The following DTNB variants were observed in gnomAD, a reference collection of about 807,000 sequenced individuals.
DTNB encodes the protein dystrobrevin beta, also known as DTN-B.
A neutral mutation model predicts 90.7 loss-of-function variants in DTNB; 63 were observed. The observed-to-expected ratio is 0.69, with a 90% CI of 0.57 to 0.86. The LOEUF (loss-of-function observed/expected upper bound fraction) is 0.86, where lower values mean the gene tolerates loss of function less well. Among genes scored for constraint, DTNB ranks in the 40% least tolerant of loss-of-function variants. DTNB has a pLI of 0.00. For synonymous variants in DTNB, 277 were observed against 286.7 expected, an observed-to-expected ratio of 0.97 and a Z score of 0.34; for missense variants, 744 against 807.1, an observed-to-expected ratio of 0.92 and a Z score of 0.95.
chr2:25,592,733 TGCGCAG>T (rs2063800553), intron 6 of DTNB, among the ~76,000 whole-genome samples: 1 of 151,662 alleles, frequency 6.6e-6, no homozygotes, highest in South Asian at 2.1e-4. Flanking sequence ...AATGGAAAGG[TGCGCAG>T]AGTACAACAC....
At chr2:25,423,044 G>A (rs1558459769) in intron 15 of DTNB, among the ~76,000 whole-genome samples, 1 of 152,114 alleles carries the variant, frequency 6.6e-6, no homozygotes, top group Non-Finnish European at 1.5e-5. Context: ...ACAAAAATCA[G>A]CTGGTTGTGG....
At chr2:25,500,328 G>A (rs748295994) in intron 9 of DTNB, among the ~76,000 whole-genome samples, 1 of 152,158 alleles carries the variant, frequency 6.6e-6, no homozygotes, top group Non-Finnish European at 1.5e-5. Flanking sequence ...TTCAAAGAAG[G>A]CTGGTAGATA....
intron 1 of DTNB, among the ~76,000 whole-genome samples, chr2:25,672,363 T>C (rs2086181819): frequency 6.6e-6 from 1 of 152,138 alleles, no homozygotes; most frequent in African/African-American, 2.4e-5. Context: ...CAATAGACAC[T>C]TATGGCTCAA....
intron 16 of DTNB, among the ~76,000 whole-genome samples, chr2:25,398,325 A>G (rs927937252): frequency 6.6e-6 from 1 of 152,232 alleles, no homozygotes; most frequent in Admixed American, 6.5e-5. Context: ...TTGAAAGAGA[A>G]AAGCTACGAC....
intron 20 of DTNB, among the ~76,000 whole-genome samples, chr2:25,377,935 T>C (rs1179173785): frequency 2.0e-5 from 3 of 152,172 alleles, no homozygotes; most frequent in African/African-American, 7.2e-5. Context: ...ACCCAAGTTT[T>C]ATACTCTTAG....
intron 15 of DTNB, 126 bp from the exon 16 acceptor site, chr2:25,419,661 A>C: frequency 8.0e-7 from 1 of 1,250,844 alleles, no homozygotes; most frequent in Non-Finnish European, 1.1e-6. Context: ...GGCCAGGCCC[A>C]CAGGTGCTGA....
chr2:25,627,564 T>C (rs573839543), intron 4 of DTNB, among the ~76,000 whole-genome samples: 3 of 152,124 alleles, frequency 2.0e-5, no homozygotes, highest in South Asian at 2.1e-4. Flanking sequence ...ATTCAAAACT[T>C]AGTGTTTTTC....
intron 14 of DTNB, among the ~76,000 whole-genome samples, chr2:25,431,193 C>G (rs2149935787): frequency 6.6e-6 from 1 of 150,780 alleles, no homozygotes; most frequent in African/African-American, 2.4e-5. Context: ...CATTCTCCTA[C>G]TTTCTTCTAG....
intron 18 of DTNB, 128 bp from the exon 19 acceptor site, chr2:25,384,017 G>A: frequency 1.2e-5 from 18 of 1,559,300 alleles, no homozygotes; most frequent in Non-Finnish European, 1.6e-5. Context: ...GCAGGCCTCT[G>A]AGGGTGCTTC....
intron 3 of DTNB, among the ~76,000 whole-genome samples, chr2:25,629,649 CTT>C (rs1398423279): frequency 6.6e-6 from 1 of 152,128 alleles, no homozygotes; most frequent in Non-Finnish European, 1.5e-5. Context: ...GAGGGCGGAG[CTT>C]GGAAAACCAT....
At chr2:25,391,140 C>T (rs2040991961) in intron 16 of DTNB, among the ~76,000 whole-genome samples, 1 of 152,072 alleles carries the variant, frequency 6.6e-6, no homozygotes, top group African/African-American at 2.4e-5. Flanking sequence ...TCGTGATCCA[C>T]CTGCCTCGGC....
At chr2:25,589,381 T>TC (rs1306510587) in intron 6 of DTNB, among the ~76,000 whole-genome samples, 199 of 114,456 alleles carry the variant, frequency 1.7e-3, no homozygotes, top group South Asian at 7.7e-3. Flanking sequence ...TTTTTTTTTT[T>TC]TTTTTTTTTT....
intron 10 of DTNB, among the ~76,000 whole-genome samples, chr2:25,459,422 G>A (rs539119400): frequency 2.6e-4 from 39 of 152,058 alleles, no homozygotes; most frequent in African/African-American, 9.2e-4. Context: ...CAACTCTCTT[G>A]TAGGCCATTA....
chr2:25,480,656 C>T (rs1034430016), intron 10 of DTNB, among the ~76,000 whole-genome samples: 13 of 152,088 alleles, frequency 8.5e-5, no homozygotes, highest in Admixed American at 3.3e-4. Context: ...CTCATGTACT[C>T]GGGTGACTTA....
intron 1 of DTNB, among the ~76,000 whole-genome samples, chr2:25,653,751 A>T (rs2081514004): frequency 6.6e-6 from 1 of 151,964 alleles, no homozygotes; most frequent in Non-Finnish European, 1.5e-5. Context: ...GTCTCAAGTG[A>T]TCTGCCTGCC....
chr2:25,507,930 CTT>C (rs1437329886), intron 9 of DTNB, among the ~76,000 whole-genome samples: 1 of 152,156 alleles, frequency 6.6e-6, no homozygotes, highest in Non-Finnish European at 1.5e-5. Context: ...CAGCCTGTTC[CTT>C]TGGCAAGGAA....
chr2:25,649,545 C>T (rs2080369618), intron 2 of DTNB, among the ~76,000 whole-genome samples: 1 of 151,978 alleles, frequency 6.6e-6, no homozygotes, highest in Non-Finnish European at 1.5e-5. Context: ...ATAGTGTGAA[C>T]CCATCACTAC....
chr2:25,583,906 C>G (rs2148244387), intron 6 of DTNB, among the ~76,000 whole-genome samples: 1 of 152,048 alleles, frequency 6.6e-6, no homozygotes, highest in African/African-American at 2.4e-5. Context: ...AACTTAGGAT[C>G]AATCTCCAAA....
chr2:25,436,666 C>T lies in DTNB; in HGVS notation c.1258-2671G>A, dbSNP rs889398506. On this transcript the variant is annotated intron_variant, in intron 12 of 20. Coordinates refer to ENST00000406818, the MANE Select transcript of DTNB (RefSeq NM_021907.5). ...AAAAAAAACCAAGATGATTTTTCTTCCTCCAGAGAAGCATGGACTGGCAGC... is the reference window on the plus strand; with the variant it reads ...AAAAAAAACCAAGATGATTTTTCTTTCTCCAGAGAAGCATGGACTGGCAGC... Among the ~76,000 whole-genome samples, 12 of 151,946 alleles carry T rather than the reference C, an allele frequency of 7.9e-5. No individual in the cohort carries two copies. The East Asian group carries it at 2.3e-3, about 29-fold the overall frequency.
Sources: allele counts gnomAD v4.1 joint callset (sites outside exome capture counted in the v4.1 genomes callset), GRCh38; gene constraint gnomAD v4.1.1; transcripts MANE v1.5; gene names NCBI Gene and HGNC (gene_info 2026-07-23, HGNC 2026-07-21).